The following HHAT variants were observed in gnomAD, a reference collection of about 807,000 sequenced individuals.
HHAT encodes hedgehog acyltransferase.
HHAT carries 47 observed loss-of-function variants against 70.8 expected under a neutral mutation model. That is an observed-to-expected ratio of 0.66 (90% CI 0.53 to 0.85). The LOEUF is 0.85. Among genes scored for constraint, HHAT ranks in the 40% least tolerant of loss-of-function variants. The pLI is 0.00. For synonymous variants in HHAT, 228 were observed against 247.6 expected, an observed-to-expected ratio of 0.92 and a Z score of 0.74; for missense variants, 609 against 604.8, an observed-to-expected ratio of 1.01 and a Z score of -0.07.
intron 8 of HHAT, among the ~76,000 whole-genome samples, chr1:210,478,812 T>C (rs756705048): frequency 1.1e-4 from 16 of 152,214 alleles, no homozygotes; most frequent in Non-Finnish European, 1.9e-4. Flanking sequence ...TATCCAGTCT[T>C]AGATGGATAC....
intron 9 of HHAT, among the ~76,000 whole-genome samples, chr1:210,517,798 T>C (rs1040982925): frequency 3.9e-5 from 6 of 152,168 alleles, no homozygotes. Context: ...TTGTACACCA[T>C]AAATATATAC....
intron 3 of HHAT, among the ~76,000 whole-genome samples, chr1:210,382,014 A>T (rs1157442468): frequency 6.6e-6 from 1 of 152,234 alleles, no homozygotes; most frequent in Non-Finnish European, 1.5e-5. Flanking sequence ...AAGAGAAAGC[A>T]CAGAACCAGA....
At chr1:210,663,294 T>A (rs1437529362) in intron 11 of HHAT, among the ~76,000 whole-genome samples, 1 of 152,154 alleles carries the variant, frequency 6.6e-6, no homozygotes, top group Non-Finnish European at 1.5e-5. Context: ...TCCCTCTCTG[T>A]TACCTTGAGC....
chr1:210,640,292 C>A (rs1188931261), intron 11 of HHAT, among the ~76,000 whole-genome samples: 1 of 152,150 alleles, frequency 6.6e-6, no homozygotes, highest in Non-Finnish European at 1.5e-5. Context: ...GGGTTAGAAA[C>A]ATACTGTTTG....
At chr1:210,671,854 G>A (rs564402235) in intron 11 of HHAT, among the ~76,000 whole-genome samples, 13 of 152,230 alleles carry the variant, frequency 8.5e-5, no homozygotes, top group African/African-American at 3.1e-4. Flanking sequence ...CTGGAGCCAG[G>A]CTGCCAGGGG....
At chr1:210,590,769 A>G (rs1445237565) in intron 10 of HHAT, among the ~76,000 whole-genome samples, 2 of 152,132 alleles carry the variant, frequency 1.3e-5, no homozygotes, top group Non-Finnish European at 2.9e-5. Flanking sequence ...CCCATGAATA[A>G]TACTTAAGTG....
At chr1:210,607,983 C>A (rs1400872548) in intron 10 of HHAT, among the ~76,000 whole-genome samples, 12 of 152,126 alleles carry the variant, frequency 7.9e-5, no homozygotes. Flanking sequence ...TCTTTTCACC[C>A]TCACTGATAT....
intron 11 of HHAT, among the ~76,000 whole-genome samples, chr1:210,626,101 T>C (rs558573987): frequency 5.2e-4 from 79 of 152,144 alleles, no homozygotes; most frequent in African/African-American, 1.9e-3. Context: ...GGCGTAAAGA[T>C]TGTATGTGAG....
At chr1:210,569,600 G>A (rs1655730194) in intron 9 of HHAT, among the ~76,000 whole-genome samples, 1 of 151,866 alleles carries the variant, frequency 6.6e-6, no homozygotes, top group Non-Finnish European at 1.5e-5. Flanking sequence ...TTTTTCCTCT[G>A]ACACTGACTT....
rs115787803 is a variant in HHAT at position 210,467,295 on chromosome 1, A to G, written c.1007+2640A>G. 3.7e-3 allele frequency among the ~76,000 whole-genome samples: 570 copies of G among 152,308 alleles called. 1 individual carries two copies. Among genetic ancestry groups the G allele is most frequent in the African/African-American group, 9.9e-3 (410 of 41,562 alleles). ...CTCAGAAGTAGTTTTTTAATTGAAA[A>G]AAAAGAATAACAATTAGAGTGTCTC... On this transcript the variant is annotated intron_variant, in intron 8 of 11. Transcript: ENST00000261458.
At chr1:210,475,865 T>TAA (rs57833835) in intron 8 of HHAT, among the ~76,000 whole-genome samples, 26,033 of 151,560 alleles carry the variant, frequency 0.17, 2,406 homozygotes, top group East Asian at 0.42. Context: ...TTGTTTTAGT[T>TAA]AAAAAAAAAT....
At chr1:210,556,819 T>C (rs2095577182) in intron 9 of HHAT, among the ~76,000 whole-genome samples, 1 of 152,186 alleles carries the variant, frequency 6.6e-6, no homozygotes, top group Non-Finnish European at 1.5e-5. Context: ...CACTCATGAA[T>C]GGGTGTGATT....
chr1:210,418,314 G>C lies in HHAT; in HGVS notation c.845G>C (p.Cys282Ser), dbSNP rs754359000. The C allele has an allele frequency of 1.9e-6, 3 of 1,591,164 alleles. No homozygotes were observed. Among genetic ancestry groups the C allele is most frequent in the Non-Finnish European group, 2.6e-6 (3 of 1,168,062 alleles). The change falls in exon 7 of 12, where the codon TGT becomes TCT. Residue 282 changes from cysteine (C) to serine (S), a missense_variant. Cys to Ser is a moderately radical substitution (Grantham distance 112). Transcript: ENST00000261458. Reference sequence around the variant, plus strand: ...ATCCCCCTCCTGGAGACTGTCTCTTGTTGGACCTTAGGTAATTGTGGGAAT... The same window carrying C: ...ATCCCCCTCCTGGAGACTGTCTCTTCTTGGACCTTAGGTAATTGTGGGAAT... The part of the protein sequence containing the change: ...SSIPLLETVS[C>S]WTLGGLALAQ...
At chr1:210,458,734 C>T (rs1170008920) in intron 7 of HHAT, among the ~76,000 whole-genome samples, 1 of 152,144 alleles carries the variant, frequency 6.6e-6, no homozygotes, top group Non-Finnish European at 1.5e-5. Context: ...CTTGGCTTCT[C>T]CTTCCCATTC....
At chr1:210,579,519 T>TA (rs552879428) in intron 9 of HHAT, among the ~76,000 whole-genome samples, 195 of 150,426 alleles carry the variant, frequency 1.3e-3, no homozygotes, top group African/African-American at 4.4e-3. Context: ...TGCCATGATT[T>TA]AAAAAAAATC....
At chr1:210,482,114 G>A (rs930266420) in intron 8 of HHAT, among the ~76,000 whole-genome samples, 2 of 152,188 alleles carry the variant, frequency 1.3e-5, no homozygotes, top group Middle Eastern at 3.2e-3. Flanking sequence ...TTACAGCACT[G>A]TACTGTGTTG....
At chr1:210,346,070 GA>G (rs10616850) in intron 1 of HHAT, among the ~76,000 whole-genome samples, 2,911 of 129,534 alleles carry the variant, frequency 0.022, 58 homozygotes, top group African/African-American at 0.059. Context: ...TCTCCAGGAA[GA>G]AAAAAAAAAA....
At chr1:210,658,889 T>A (rs1161878314) in intron 11 of HHAT, among the ~76,000 whole-genome samples, 1 of 152,104 alleles carries the variant, frequency 6.6e-6, no homozygotes, top group Non-Finnish European at 1.5e-5. Context: ...TTGAAACCAG[T>A]GAGAACAAAG....
intron 7 of HHAT, among the ~76,000 whole-genome samples, chr1:210,423,746 C>A (rs1273114056): frequency 6.6e-6 from 1 of 152,278 alleles, no homozygotes; most frequent in South Asian, 2.1e-4. Context: ...TGGTTCCATT[C>A]TTCTGCATAT....
Sources: gnomAD v4.1 joint callset for allele counts (sites outside exome capture counted in the v4.1 genomes callset) on GRCh38, gnomAD v4.1.1 for gene constraint, MANE v1.5 for transcripts, NCBI Gene and HGNC (gene_info 2026-07-23, HGNC 2026-07-21) for gene names.